NAV3: variants seen among roughly 807,000 people sequenced by gnomAD.
The protein encoded by NAV3 is pore membrane and/or filament interacting like protein 1.
In NAV3, 87 loss-of-function variants were observed where a neutral mutation model predicts 244.7. The ratio of observed to expected loss-of-function variants is 0.36; its 90% CI spans 0.30 to 0.42. NAV3 has a LOEUF of 0.42. NAV3 is among the 20% of genes least tolerant of loss of function. The pLI is 1.00. For synonymous variants in NAV3, 1,126 were observed against 1,042.2 expected, an observed-to-expected ratio of 1.08 and a Z score of -1.55; for missense variants, 2,663 against 2,893.3, an observed-to-expected ratio of 0.92 and a Z score of 1.83.
chr12:78,117,160 TATATATA>T (rs1566155832), intron 13 of NAV3, among the ~76,000 whole-genome samples: 8,154 of 108,734 alleles, frequency 0.075, 860 homozygotes, highest in South Asian at 0.13. Context: ...AGAAGCAGCA[TATATATA>T]TATATATATA....
chr12:77,741,537 T>C (rs926238658), intron 2 of NAV3, among the ~76,000 whole-genome samples: 17 of 152,202 alleles, frequency 1.1e-4, no homozygotes, highest in Admixed American at 3.9e-4. Flanking sequence ...GCCAGTATTC[T>C]ATGCCCCTAC....
In NAV3 at chr12:78,210,714, A is replaced by G. The variant is rs1040331964; in HGVS notation, c.*197A>G. On this transcript the variant is annotated 3_prime_UTR_variant, in exon 40 of 40. Transcript: ENST00000397909. ...TGCAATGGAAGCTTAACTTTAGTTT[A>G]TTTCTAAGCATTTTTTATATCTGTG... The G allele has an allele frequency of 1.7e-5, 10 of 602,504 alleles. No individual in the cohort carries two copies. The highest frequency in any genetic ancestry group is 4.6e-4 in the Middle Eastern group (1 of 2,178). 37.3% of individuals were successfully genotyped at this position (602,504 alleles called of 1,614,324 possible).
chr12:78,176,497 A>G (rs772756758), intron 26 of NAV3, 38 bp downstream of exon 26: 4 of 1,607,410 alleles, frequency 2.5e-6, no homozygotes, highest in South Asian at 1.1e-5. Flanking sequence ...ATGCATCTAT[A>G]AAAAAACCCT....
chr12:77,976,447 G>A (rs10859741), intron 5 of NAV3, among the ~76,000 whole-genome samples: 56,656 of 151,692 alleles, frequency 0.37, 11,357 homozygotes, highest in Non-Finnish European at 0.44. Flanking sequence ...TGATAGAGGA[G>A]ACCAAAAAGA....
chr12:78,137,685 A>G (rs1263255100), intron 19 of NAV3, among the ~76,000 whole-genome samples: 3 of 152,166 alleles, frequency 2.0e-5, no homozygotes, highest in Admixed American at 1.3e-4. Context: ...TTTGTTTGAC[A>G]TTTTGGTTAA....
chr12:77,587,278 A>G (rs1210670074), intron 2 of NAV3, among the ~76,000 whole-genome samples: 1 of 152,338 alleles, frequency 6.6e-6, no homozygotes, highest in East Asian at 1.9e-4. Flanking sequence ...ATACAATAAG[A>G]TCAGCCAATA....
intron 12 of NAV3, among the ~76,000 whole-genome samples, chr12:78,066,450 A>G (rs1040753165): frequency 2.6e-5 from 4 of 152,152 alleles, no homozygotes; most frequent in Non-Finnish European, 5.9e-5. Context: ...CCAGGTAGCT[A>G]TTCAGTCAAT....
chr12:78,059,130 A>G lies in NAV3; in HGVS notation c.2636+15A>G. ...GATGCAGACAGGTAATGCTATCAGC[A>G]TATATGATGGTGAGACATGCATGAA... On this transcript the variant is annotated intron_variant, in intron 12 of 39. Transcript: ENST00000397909. The G allele has an allele frequency of 6.2e-7, 1 of 1,606,622 alleles. No individual in the cohort carries two copies. The highest frequency in any genetic ancestry group is 1.1e-5 in the South Asian group (1 of 89,454).
intron 2 of NAV3, among the ~76,000 whole-genome samples, chr12:77,643,908 TC>T (rs1009649198): frequency 1.3e-5 from 2 of 152,142 alleles, no homozygotes; most frequent in African/African-American, 4.8e-5. Flanking sequence ...AAACTAGTCT[TC>T]CTTGCCAAAA....
In NAV3 at chr12:78,179,554, G is replaced by A; in HGVS notation, c.5389G>A (p.Ala1797Thr). The A allele has an allele frequency of 6.2e-7, 1 of 1,613,284 alleles. No homozygotes were observed. Among genetic ancestry groups the A allele is most frequent in the Non-Finnish European group, 8.5e-7 (1 of 1,179,488 alleles). ...GATCTGTGAATGCACAGAAGCTGAG[G>A]CAGAGATAATTCTGCAGCTGAAGAG... The part of the protein sequence containing the change: ...SRICECTEAE[A>T]EIILQLKSEL... Residue 1797 changes from alanine to threonine, a missense_variant, in exon 29 of 40, where the codon GCA (alanine) becomes ACA (threonine). By Grantham distance (58) the Ala-to-Thr change is moderately conservative (BLOSUM62 0). Coordinates refer to ENST00000397909, the MANE Select transcript of NAV3 (RefSeq NM_001024383.2).
chr12:77,786,561 G>A (rs1397273069), intron 2 of NAV3, among the ~76,000 whole-genome samples: 1 of 152,122 alleles, frequency 6.6e-6, no homozygotes, highest in Non-Finnish European at 1.5e-5. Flanking sequence ...CAACAGCCAT[G>A]TTAACTCAAG....
chr12:77,768,400 G>T (rs866269678), intron 2 of NAV3, among the ~76,000 whole-genome samples: 1 of 152,188 alleles, frequency 6.6e-6, no homozygotes, highest in Non-Finnish European at 1.5e-5. Context: ...GGCTGTTTGT[G>T]CCAGAGGATG....
intron 2 of NAV3, among the ~76,000 whole-genome samples, chr12:77,751,559 T>C (rs1868856059): frequency 6.6e-6 from 1 of 152,210 alleles, no homozygotes. Flanking sequence ...CCTTCCACCA[T>C]GTGAAGAAGG....
chr12:78,050,634 G>GT, intron 10 of NAV3, 130 bp from the exon 11 acceptor site: 1 of 953,832 alleles, frequency 1.0e-6, no homozygotes, highest in Non-Finnish European at 1.6e-6. Context: ...TGAATATAGA[G>GT]TTTAGCTTTC....
intron 9 of NAV3, chr12:78,036,904 A>G (rs1462050123): frequency 1.4e-6 from 1 of 702,662 alleles, no homozygotes; most frequent in Non-Finnish European, 2.6e-6. Context: ...CGGAGCAAAG[A>G]AGTAAGGAGA....
At position 78,199,470 on chromosome 12, in the gene NAV3, G is replaced by A. The variant is rs780336447; in HGVS notation, c.6654G>A (p.Pro2218=). ...NDLVKIIDWI[P]KTWHHLNSFL... ...TAGTCAAAATTATAGATTGGATTCC[G>A]AAGACGTGGCATCATCTCAACAGTT... Residue 2218 remains proline (P), a synonymous_variant, in exon 37 of 40, where the codon CCG becomes CCA. Coordinates refer to ENST00000397909, the MANE Select transcript of NAV3 (RefSeq NM_001024383.2). 8.7e-6 allele frequency: 14 copies of A among 1,609,610 alleles called. No homozygotes were observed. Among genetic ancestry groups the A allele is most frequent in the South Asian group, 5.5e-5 (5 of 90,580 alleles).
At chr12:78,158,446 A>T (rs535406066) in intron 22 of NAV3, among the ~76,000 whole-genome samples, 34 of 152,234 alleles carry the variant, frequency 2.2e-4, no homozygotes, top group Middle Eastern at 6.8e-3. Context: ...AAAATCGTCA[A>T]ATACTTCTTA....
At chr12:77,813,912 A>C (rs1163907734) in intron 2 of NAV3, among the ~76,000 whole-genome samples, 1 of 152,186 alleles carries the variant, frequency 6.6e-6, no homozygotes, top group Non-Finnish European at 1.5e-5. Flanking sequence ...CGATTTTTAA[A>C]AGTAAACCTC....
intron 2 of NAV3, among the ~76,000 whole-genome samples, chr12:77,647,100 TAGAG>T (rs1282417195): frequency 2.0e-5 from 3 of 151,404 alleles, no homozygotes; most frequent in Non-Finnish European, 2.9e-5. Flanking sequence ...ATATGTACCT[TAGAG>T]AGATTTGTCG....
Sources: allele counts gnomAD v4.1 joint callset (sites outside exome capture counted in the v4.1 genomes callset), GRCh38; gene constraint gnomAD v4.1.1; transcripts MANE v1.5; gene names NCBI Gene and HGNC (gene_info 2026-07-23, HGNC 2026-07-21).